Variants in PTCHD4 observed in about 807,000 individuals in gnomAD.
PTCHD4 encodes the protein patched domain containing 4, also known as patched domain-containing protein 4.
PTCHD4 carries 33 observed loss-of-function variants against 58.1 expected under a neutral mutation model. That is an observed-to-expected ratio of 0.57 (90% confidence interval 0.43 to 0.76). The LOEUF (loss-of-function observed/expected upper bound fraction) is 0.76, where lower values mean the gene tolerates loss of function less well. Among genes scored for constraint, PTCHD4 ranks in the 30% least tolerant of loss-of-function variants. The pLI is 0.00. For synonymous variants in PTCHD4, 478 were observed against 409.6 expected, an observed-to-expected ratio of 1.17 and a Z score of -2.02; for missense variants, 1,058 against 1,027.1, an observed-to-expected ratio of 1.03 and a Z score of -0.41.
At chr6:47,951,793 A>T (rs1434453138) in intron 4 of PTCHD4, among the ~76,000 whole-genome samples, 1 of 152,162 alleles carries the variant, frequency 6.6e-6, no homozygotes, top group Non-Finnish European at 1.5e-5. Context: ...CAAAATAAAA[A>T]TAGATTAATT....
chr6:48,064,834 A>G (rs1461959860), intron 3 of PTCHD4, among the ~76,000 whole-genome samples: 1 of 152,202 alleles, frequency 6.6e-6, no homozygotes, highest in African/African-American at 2.4e-5. Context: ...ATATAAAAGA[A>G]AGATTATAAT....
intron 4 of PTCHD4, among the ~76,000 whole-genome samples, chr6:47,917,536 G>A (rs1441965419): frequency 8.6e-5 from 13 of 151,992 alleles, no homozygotes; most frequent in Non-Finnish European, 1.9e-4. Flanking sequence ...CCTTCTTTAG[G>A]TATCCCATAA....
chr6:47,974,053 C>T (rs1767606850), intron 4 of PTCHD4, among the ~76,000 whole-genome samples: 2 of 152,078 alleles, frequency 1.3e-5, no homozygotes, highest in Non-Finnish European at 2.9e-5. Context: ...ATTAATTGGG[C>T]CCTTTATGTA....
chr6:47,871,844 T>C lies in PTCHD4; in HGVS notation c.*6459A>G, dbSNP rs1763719958. 6.6e-6 allele frequency among the ~76,000 whole-genome samples: 1 copy of C among 151,544 alleles called. No individual in the cohort carries two copies. Among genetic ancestry groups the C allele is most frequent in the South Asian group, 2.1e-4 (1 of 4,818 alleles). On this transcript the variant is annotated 3_prime_UTR_variant, in exon 5 of 5. Transcript: ENST00000339488. Reference sequence around the variant, plus strand: ...AAAATATGCATAATTAACAGGAAAGTATAATAAAGTTGTTGCTTAAACTAC... The same window carrying C: ...AAAATATGCATAATTAACAGGAAAGCATAATAAAGTTGTTGCTTAAACTAC...
At chr6:47,951,410 G>A (rs1766643948) in intron 4 of PTCHD4, among the ~76,000 whole-genome samples, 1 of 152,164 alleles carries the variant, frequency 6.6e-6, no homozygotes, top group Non-Finnish European at 1.5e-5. Flanking sequence ...CACTGAATTG[G>A]AGGATGTGTG....
Position 47,878,882 on chromosome 6 carries a change from G to A in PTCHD4, c.1953C>T (p.Ser651=), listed in dbSNP as rs1003581728. The A allele has an allele frequency of 1.9e-6, 3 of 1,613,636 alleles. No homozygotes were observed. Among genetic ancestry groups the A allele is most frequent in the East Asian group, 4.5e-5 (2 of 44,850 alleles). The change falls in exon 5 of 5, where the codon AGC becomes AGT. Residue 651 remains serine, a synonymous_variant. Transcript: ENST00000339488. ...TCAGAACAGGCACTGTGACAGACAA[G>A]CTGTAATGGTCCATGAAGACAAAGG... ...NPSFVFMDHY[S]LSVTVPVLIA... is the part of the protein sequence containing the mutation.
chr6:48,019,214 G>A (rs1274232859), intron 3 of PTCHD4, among the ~76,000 whole-genome samples: 2 of 152,226 alleles, frequency 1.3e-5, no homozygotes, highest in Non-Finnish European at 2.9e-5. Flanking sequence ...CAGGTGGAAA[G>A]AGGCAAGGAA....
In PTCHD4 at chr6:47,873,599, G is replaced by T. The variant is rs1341411610; in HGVS notation, c.*4704C>A. ...TTATGATTTTGCTGCTTTCATTTGG[G>T]TCAATATCATTGTAGTTATTTTGTA... On this transcript the variant is annotated 3_prime_UTR_variant, in exon 5 of 5. Transcript: ENST00000339488. Among the ~76,000 whole-genome samples the T allele has an allele frequency of 6.6e-6, 1 of 151,570 alleles. No homozygotes were observed. Among genetic ancestry groups the T allele is most frequent in the East Asian group, 1.9e-4 (1 of 5,148 alleles).
At chr6:48,072,492 C>T (rs1319398428) in intron 1 of PTCHD4, among the ~76,000 whole-genome samples, 2 of 152,128 alleles carry the variant, frequency 1.3e-5, no homozygotes, top group Admixed American at 1.3e-4. Flanking sequence ...GCTGCAGGCT[C>T]ATCTTGTGTA....
intron 1 of PTCHD4, among the ~76,000 whole-genome samples, chr6:48,101,948 G>A (rs775157857): frequency 1.4e-4 from 22 of 152,274 alleles, no homozygotes; most frequent in Non-Finnish European, 2.1e-4. Flanking sequence ...GAAATTACAA[G>A]TCTTTTTCCC....
chr6:48,082,009 G>T (rs1034453536), intron 1 of PTCHD4, among the ~76,000 whole-genome samples: 5 of 152,148 alleles, frequency 3.3e-5, no homozygotes, highest in African/African-American at 1.2e-4. Context: ...TGATATTCAG[G>T]CTGTTGAGTG....
At chr6:47,886,018 A>G (rs1236649354) in intron 4 of PTCHD4, among the ~76,000 whole-genome samples, 1 of 151,898 alleles carries the variant, frequency 6.6e-6, no homozygotes, top group Non-Finnish European at 1.5e-5. Flanking sequence ...GGGTTTTGCC[A>G]CATTGGCCAG....
chr6:47,951,532 G>A (rs1766651210), intron 4 of PTCHD4, among the ~76,000 whole-genome samples: 1 of 152,122 alleles, frequency 6.6e-6, no homozygotes, highest in Non-Finnish European at 1.5e-5. Flanking sequence ...TTTTTATTTG[G>A]CAGTAAGATC....
At chr6:47,983,263 A>G (rs1014487043) in intron 4 of PTCHD4, among the ~76,000 whole-genome samples, 1 of 152,204 alleles carries the variant, frequency 6.6e-6, no homozygotes, top group African/African-American at 2.4e-5. Flanking sequence ...TTGTTCCTGC[A>G]GTAGAAAAAT....
intron 4 of PTCHD4, among the ~76,000 whole-genome samples, chr6:47,971,394 A>G (rs1767504519): frequency 6.6e-6 from 1 of 152,234 alleles, no homozygotes; most frequent in Admixed American, 6.5e-5. Context: ...GAAATGGCCC[A>G]CTGTGCTGTG....
intron 4 of PTCHD4, among the ~76,000 whole-genome samples, chr6:47,929,836 C>T (rs2113902916): frequency 6.6e-6 from 1 of 152,340 alleles, no homozygotes; most frequent in East Asian, 1.9e-4. Context: ...TTTCTGGCCC[C>T]TTTCACTTTT....
intron 4 of PTCHD4, among the ~76,000 whole-genome samples, chr6:47,964,479 C>A (rs1365382819): frequency 1.3e-5 from 2 of 152,126 alleles, no homozygotes; most frequent in Non-Finnish European, 1.5e-5. Flanking sequence ...ACCAGAACCT[C>A]ATATGGACCT....
intron 4 of PTCHD4, among the ~76,000 whole-genome samples, chr6:47,923,161 A>G (rs575322448): frequency 1.9e-4 from 29 of 152,340 alleles, no homozygotes; most frequent in Admixed American, 2.0e-4. Flanking sequence ...TTAGTTAAAT[A>G]TGTTATCATA....
chr6:47,956,578 C>T (rs964192129), intron 4 of PTCHD4, among the ~76,000 whole-genome samples: 2 of 152,016 alleles, frequency 1.3e-5, no homozygotes, highest in Admixed American at 6.6e-5. Context: ...GGACTACAGG[C>T]GCCCACCACC....
Sources: allele counts gnomAD v4.1 joint callset (sites outside exome capture counted in the v4.1 genomes callset), GRCh38; gene constraint gnomAD v4.1.1; transcripts MANE v1.5; gene names NCBI Gene and HGNC (gene_info 2026-07-23, HGNC 2026-07-21).